The following ZNF770 variants were observed in gnomAD, a reference collection of about 807,000 sequenced individuals.
ZNF770 encodes zinc finger protein 770.
ZNF770 carries 13 observed loss-of-function variants against 44.8 expected under a neutral mutation model. The ratio of observed to expected loss-of-function variants is 0.29; its 90% CI spans 0.19 to 0.46. ZNF770 has a LOEUF of 0.46. ZNF770 is among the 20% of genes least tolerant of loss of function. The pLI is 1.00. For missense variants in ZNF770, 681 were observed against 797.9 expected (o/e 0.85, Z 1.77); for synonymous variants, 304 against 271.8 (o/e 1.12, Z -1.17).
chr15:34,984,813 T>C (rs573516964), intron 2 of ZNF770, among the ~76,000 whole-genome samples: 3 of 152,104 alleles, frequency 2.0e-5, no homozygotes, highest in East Asian at 3.9e-4. Flanking sequence ...AAAAGGGTCA[T>C]TTTGGTCTTA....
chr15:34,984,648 T>C (rs2050423125), intron 2 of ZNF770, among the ~76,000 whole-genome samples: 1 of 126,588 alleles, frequency 7.9e-6, no homozygotes. Context: ...AGAATCCATC[T>C]CAAAAAAAAA....
In ZNF770 at chr15:34,981,558, C is replaced by T. The variant is rs768441646; in HGVS notation, c.1877G>A (p.Arg626Gln). 5 of 1,614,144 alleles carry T rather than the reference C, an allele frequency of 3.1e-6. No homozygotes were observed. Among genetic ancestry groups the T allele is most frequent in the Non-Finnish European group, 4.2e-6 (5 of 1,180,008 alleles). Residue 626 changes from arginine (R) to glutamine (Q), a missense_variant, in exon 3 of 3, where the codon CGA becomes CAA. Transcript: ENST00000356321. ...GAAACTTTTAGCACAAACACTGCAT[C>T]GGTACAGGAAGACATCATTTTTCTC... is the stretch of plus-strand genomic sequence containing the variant. ...HQEKNDVFLY[R>Q]CSVCAKSFRS...
Position 34,981,340 on chromosome 15 carries a change from T to G in ZNF770, c.*19A>C, listed in dbSNP as rs2050399971. ...AAATAAGATCACCAGAGACCACAAT[T>G]GTTAGTGGTTGCGACAATTTACATA... On this transcript the variant is annotated 3_prime_UTR_variant, in exon 3 of 3. Transcript: ENST00000356321. 1.3e-6 allele frequency: 2 copies of G among 1,589,004 alleles called. No homozygotes were observed. The highest frequency in any genetic ancestry group is 1.3e-5 in the African/African-American group (1 of 74,226).
chr15:34,982,550 T>C lies in ZNF770; in HGVS notation c.885A>G (p.Gln295=), dbSNP rs145255004. 2.7e-4 allele frequency: 438 copies of C among 1,614,020 alleles called. 2 individuals carry two copies. In the East Asian group the frequency reaches 7.5e-3, roughly 28 times the overall value. ...CAAAACACTTTTCACACTTTGGACA[T>C]TGAAAAGGGACAATATAAATTGAGT... ...DVHSIYIVPF[Q]CPKCEKCFES... The change falls in exon 3 of 3, where the codon CAA becomes CAG. Residue 295 remains glutamine (Q), a synonymous_variant. Transcript: ENST00000356321.
intron 2 of ZNF770, 52 bp from the exon 3 acceptor site, chr15:34,983,542 A>G (rs2140521881): frequency 9.8e-7 from 1 of 1,022,544 alleles, no homozygotes; most frequent in East Asian, 3.1e-5. Context: ...TATTCATATG[A>G]AAAGTAACTT....
rs377207231 is a variant in ZNF770, at chr15:34,982,163, C to T, written c.1272G>A (p.Thr424=). 1.4e-5 allele frequency: 22 copies of T among 1,612,876 alleles called. No homozygotes were observed. The highest frequency in any genetic ancestry group is 8.4e-5 in the Admixed American group (5 of 59,788). ...TATCAATGCTTAATATGTTTTCTGT[C>T]GTAAGGATGCCTTTCAAATTTTTTC... ...NMGKNLKGIL[T]TENILSIDNS... Residue 424 remains threonine (T), a synonymous_variant, in exon 3 of 3, where the codon ACG becomes ACA. Coordinates refer to ENST00000356321, the MANE Select transcript of ZNF770 (RefSeq NM_014106.4).
chr15:34,985,826 G>A (rs577278426), intron 2 of ZNF770, among the ~76,000 whole-genome samples: 5 of 152,120 alleles, frequency 3.3e-5, no homozygotes, highest in East Asian at 3.9e-4. Context: ...CCCAGGAGAC[G>A]GAGGTTGCAG....
chr15:34,985,133 CAAAA>C (rs59814718), intron 2 of ZNF770, among the ~76,000 whole-genome samples: 43 of 105,804 alleles, frequency 4.1e-4, no homozygotes, highest in African/African-American at 7.4e-4. Flanking sequence ...GAGACTGTCT[CAAAA>C]AAAAAAAAAA....
rs1280047170 is a variant in ZNF770, at chr15:34,981,805, T to G, written c.1630A>C (p.Asn544His). ...LCQVEFGNFN[N>H]LSNHSGNNVN... is the part of the protein sequence containing the mutation. The stretch of plus-strand genomic sequence containing the variant: ...TTATTACCTGAATGATTAGAAAGAT[T>G]GTTGAAGTTTCCAAATTCTACTTGG... The change falls in exon 3 of 3, where the codon AAT becomes CAT. Residue 544 changes from asparagine to histidine, a missense_variant. Asn to His is a moderately conservative substitution (Grantham distance 68). Coordinates refer to ENST00000356321, the MANE Select transcript of ZNF770 (RefSeq NM_014106.4). 4 of 1,614,002 alleles carry G rather than the reference T, an allele frequency of 2.5e-6. No homozygotes were observed. The highest frequency in any genetic ancestry group is 3.4e-6 in the Non-Finnish European group (4 of 1,180,028).
At position 34,981,546 on chromosome 15, in the gene ZNF770, C is replaced by A; in HGVS notation, c.1889G>T (p.Cys630Phe). The A allele has an allele frequency of 6.2e-7, 1 of 1,614,200 alleles. No individual in the cohort carries two copies. The highest frequency in any genetic ancestry group is 8.5e-7 in the Non-Finnish European group (1 of 1,180,038). Reference sequence around the variant, plus strand: ...AGATGGAGATCGGAAACTTTTAGCACAAACACTGCATCGGTACAGGAAGAC... The same window carrying A: ...AGATGGAGATCGGAAACTTTTAGCAAAAACACTGCATCGGTACAGGAAGAC... Reference protein sequence around the residue: ...NDVFLYRCSVCAKSFRSPSKL... With the variant: ...NDVFLYRCSVFAKSFRSPSKL... Residue 630 changes from cysteine (C) to phenylalanine (F), a missense_variant, in exon 3 of 3, where the codon TGT becomes TTT. This residue lies in a region of ZNF770 where 148 missense variants were observed against 191.0 expected (regional missense o/e 0.77). Transcript: ENST00000356321.
At chr15:34,987,430 A>G (rs564814537) in intron 2 of ZNF770, 127 bp downstream of exon 2, 1 of 120,404 alleles carries the variant, frequency 8.3e-6, no homozygotes, top group East Asian at 1.9e-4. Context: ...AATAAAAAAG[A>G]CTGTAATTTT....
chr15:34,984,008 A>G (rs2050419186), intron 2 of ZNF770, among the ~76,000 whole-genome samples: 1 of 152,206 alleles, frequency 6.6e-6, no homozygotes. Context: ...GTTATTCTCA[A>G]TTACTTCTTT....
rs1385734093 is a variant in ZNF770, at chr15:34,982,687, T to G, written c.748A>C (p.Lys250Gln). ...RNKAFRALLL[K>Q]KRRTESRPLP... Reference sequence around the variant, plus strand: ...GGGCGAGATTCTGTACGCCTCTTCTTTAATAAAAGAGCCCGAAAAGCCTTA... The same window carrying G: ...GGGCGAGATTCTGTACGCCTCTTCTGTAATAAAAGAGCCCGAAAAGCCTTA... Residue 250 changes from lysine to glutamine, a missense_variant, in exon 3 of 3, where the codon AAG (lysine) becomes CAG (glutamine). Transcript: ENST00000356321. 2 of 1,612,630 alleles carry G rather than the reference T, an allele frequency of 1.2e-6. No individual in the cohort carries two copies. Among genetic ancestry groups the G allele is most frequent in the Non-Finnish European group, 1.7e-6 (2 of 1,179,954 alleles).
chr15:34,986,888 A>AG (rs1201168137), intron 2 of ZNF770, among the ~76,000 whole-genome samples: 1 of 152,358 alleles, frequency 6.6e-6, no homozygotes, highest in East Asian at 1.9e-4. Flanking sequence ...ATCTAGCAGG[A>AG]GGGGCAGGGC....
At position 34,982,521 on chromosome 15, in the gene ZNF770, G is replaced by A. The variant is rs1465530500; in HGVS notation, c.914C>T (p.Ser305Leu). 1.2e-6 allele frequency: 2 copies of A among 1,613,806 alleles called. No individual in the cohort carries two copies. The highest frequency in any genetic ancestry group is 2.7e-5 in the African/African-American group (2 of 74,890). The change falls in exon 3 of 3, where the codon TCA (serine) becomes TTA (leucine). Residue 305 changes from serine (S) to leucine (L), a missense_variant. Ser to Leu is a moderately radical substitution (Grantham distance 145). Transcript: ENST00000356321. The stretch of plus-strand genomic sequence containing the variant: ...GCTGTGTTCATTGAGAATCTGCTCT[G>A]ATTCAAAACACTTTTCACACTTTGG... ...QCPKCEKCFE[S>L]EQILNEHSCF...
At position 34,981,418 on chromosome 15, in the gene ZNF770, G is replaced by A. The variant is rs749115646; in HGVS notation, c.2017C>T (p.Leu673Phe). The change falls in exon 3 of 3, where the codon CTT becomes TTT. Residue 673 changes from leucine (L) to phenylalanine (F), a missense_variant. Around this residue, in one of 5 missense-constraint regions of ZNF770, gnomAD observed 26 missense variants for 23.9 expected, o/e 1.09. Transcript: ENST00000356321. ...RQAPHWKRHQLTHFKERPQGK... is the reference protein window; with the variant it reads ...RQAPHWKRHQFTHFKERPQGK... ...TGTGGTCGTTCTTTAAAGTGAGTAA[G>A]CTGATGTCTCTTCCAGTGAGGAGCC... 2.8e-5 allele frequency: 45 copies of A among 1,613,766 alleles called. No individual in the cohort carries two copies. Among genetic ancestry groups the A allele is most frequent in the Non-Finnish European group, 3.5e-5 (41 of 1,180,034 alleles).
Position 34,982,168 on chromosome 15 carries a change from G to A in ZNF770, c.1267C>T (p.Leu423Phe), listed in dbSNP as rs775958477. 1.2e-6 allele frequency: 2 copies of A among 1,613,026 alleles called. No individual in the cohort carries two copies. The highest frequency in any genetic ancestry group is 1.1e-5 in the South Asian group (1 of 90,604). The change falls in exon 3 of 3, where the codon CTT (leucine) becomes TTT (phenylalanine). Residue 423 changes from leucine to phenylalanine, a missense_variant. By Grantham distance (22) the Leu-to-Phe change is conservative. Coordinates refer to ENST00000356321, the MANE Select transcript of ZNF770 (RefSeq NM_014106.4). ...QNMGKNLKGILTTENILSIDN... is the reference protein window; with the variant it reads ...QNMGKNLKGIFTTENILSIDN... Reference sequence around the variant, plus strand: ...ATGCTTAATATGTTTTCTGTCGTAAGGATGCCTTTCAAATTTTTTCCCATA... The same window carrying A: ...ATGCTTAATATGTTTTCTGTCGTAAAGATGCCTTTCAAATTTTTTCCCATA...
In ZNF770 at chr15:34,982,888, T is replaced by C. The variant is rs1200450448; in HGVS notation, c.547A>G (p.Thr183Ala). ...SKLDRHVLIH[T>A]GQRPFKCVLC... The stretch of plus-strand genomic sequence containing the variant: ...ACACATTTAAAAGGCCTCTGACCAG[T>C]ATGAATAAGTACATGCCTATCAAGT... Residue 183 changes from threonine to alanine, a missense_variant, in exon 3 of 3, where the codon ACT becomes GCT. Coordinates refer to ENST00000356321, the MANE Select transcript of ZNF770 (RefSeq NM_014106.4). 2 of 1,614,046 alleles carry C rather than the reference T, an allele frequency of 1.2e-6. No homozygotes were observed. The highest frequency in any genetic ancestry group is 8.5e-7 in the Non-Finnish European group (1 of 1,179,970).
intron 2 of ZNF770, among the ~76,000 whole-genome samples, chr15:34,984,164 G>A (rs1209325298): frequency 6.6e-6 from 1 of 152,086 alleles, no homozygotes; most frequent in East Asian, 1.9e-4. Context: ...CTCCTGGATT[G>A]TCTACCACCA....
Sources: allele counts gnomAD v4.1 joint callset (sites outside exome capture counted in the v4.1 genomes callset), GRCh38; gene constraint gnomAD v4.1.1; regional missense constraint gnomAD v4.1.1; transcripts MANE v1.5; gene names NCBI Gene and HGNC (gene_info 2026-07-23, HGNC 2026-07-21).